Variants in GOPC observed in about 807,000 individuals in gnomAD.
GOPC encodes the protein Golgi-associated PDZ and coiled-coil motif-containing protein.
Under a neutral mutation model 51.2 loss-of-function variants are expected in GOPC, and 32 were observed. The observed-to-expected ratio is 0.63, with a 90% CI of 0.47 to 0.84. The LOEUF is 0.84. Among genes scored for constraint, GOPC ranks in the 40% least tolerant of loss-of-function variants. The pLI is 0.00. For missense variants in GOPC, 441 were observed against 555.5 expected, an observed-to-expected ratio of 0.79 and a Z score of 2.07; for synonymous variants, 190 against 205.1, an observed-to-expected ratio of 0.93 and a Z score of 0.63.
At chr6:117,589,608 C>A (rs1245669861) in intron 1 of GOPC, among the ~76,000 whole-genome samples, 2 of 151,992 alleles carry the variant, frequency 1.3e-5, no homozygotes, top group African/African-American at 4.8e-5. Context: ...GCGTGAGCCA[C>A]TGCGCCCAGC....
chr6:117,580,780 G>A (rs1475761478), intron 1 of GOPC, among the ~76,000 whole-genome samples: 1 of 152,090 alleles, frequency 6.6e-6, no homozygotes, highest in African/African-American at 2.4e-5. Context: ...ATGAAGACAA[G>A]GACACAGTAG....
At chr6:117,570,159 T>G (rs1779779420) in intron 6 of GOPC, among the ~76,000 whole-genome samples, 1 of 151,900 alleles carries the variant, frequency 6.6e-6, no homozygotes, top group Admixed American at 6.6e-5. Flanking sequence ...CTTATATCAT[T>G]GTTGCGTGTG....
At chr6:117,590,062 T>C (rs1441945577) in intron 1 of GOPC, among the ~76,000 whole-genome samples, 1 of 152,204 alleles carries the variant, frequency 6.6e-6, no homozygotes, top group Non-Finnish European at 1.5e-5. Context: ...TACATGAATA[T>C]AGAGTCAACA....
chr6:117,573,851 A>G (rs1381773423), intron 4 of GOPC, among the ~76,000 whole-genome samples: 1 of 152,218 alleles, frequency 6.6e-6, no homozygotes, highest in Non-Finnish European at 1.5e-5. Context: ...AAATTTTTAA[A>G]GGAATTAATG....
chr6:117,593,904 A>G (rs1389602384), intron 1 of GOPC, among the ~76,000 whole-genome samples: 1 of 152,024 alleles, frequency 6.6e-6, no homozygotes, highest in Non-Finnish European at 1.5e-5. Context: ...CTTGTTCTGA[A>G]TACCTTCTCC....
At chr6:117,578,876 C>G in intron 2 of GOPC, 24 bp downstream of exon 2, 1 of 1,521,618 alleles carries the variant, frequency 6.6e-7, no homozygotes, top group Non-Finnish European at 8.9e-7. Flanking sequence ...CATGCAAGGG[C>G]ATGTCACTCT....
Position 117,602,139 on chromosome 6 carries a change from C to T in GOPC, c.150G>A (p.Leu50=). 1.2e-6 allele frequency: 2 copies of T among 1,614,140 alleles called. No individual in the cohort carries two copies. The highest frequency in any genetic ancestry group is 2.2e-5 in the East Asian group (1 of 44,880). The change falls in exon 1 of 9, where the codon CTG becomes CTA. Residue 50 remains leucine, a synonymous_variant. Transcript: ENST00000368498. ...GGTCTGGATCGATCTCTCCCAGGAG[C>T]AGATCCACATCCACAAAAGCTTTGT... ...EFDKAFVDVD[L]LLGEIDPDQA...
chr6:117,564,713 C>CA (rs973608392), intron 8 of GOPC, among the ~76,000 whole-genome samples: 98 of 151,324 alleles, frequency 6.5e-4, no homozygotes, highest in African/African-American at 1.7e-3. Context: ...GCCTCAGTTA[C>CA]AAAAAAAAGG....
At chr6:117,593,864 G>T (rs574949669) in intron 1 of GOPC, among the ~76,000 whole-genome samples, 2 of 151,804 alleles carry the variant, frequency 1.3e-5, no homozygotes, top group African/African-American at 2.4e-5. Context: ...CCATCTCTAG[G>T]TTTTTTTTAT....
chr6:117,567,884 C>T (rs530965794), intron 7 of GOPC, among the ~76,000 whole-genome samples: 3 of 152,036 alleles, frequency 2.0e-5, no homozygotes, highest in Non-Finnish European at 2.9e-5. Flanking sequence ...AACAATGAAA[C>T]ATTCAAGTAA....
chr6:117,569,034 A>G (rs1179982841), intron 7 of GOPC, among the ~76,000 whole-genome samples: 1 of 152,196 alleles, frequency 6.6e-6, no homozygotes, highest in Non-Finnish European at 1.5e-5. Context: ...CTGAGTATGA[A>G]TCTCAATTCT....
chr6:117,602,166 G>C lies in GOPC; in HGVS notation c.123C>G (p.Phe41Leu), dbSNP rs1364069522. 1 of 1,613,754 alleles carries C rather than the reference G, an allele frequency of 6.2e-7. No homozygotes were observed. The highest frequency in any genetic ancestry group is 8.5e-7 in the Non-Finnish European group (1 of 1,180,024). Residue 41 changes from phenylalanine (F) to leucine (L), a missense_variant, in exon 1 of 9, where the codon TTC (phenylalanine) becomes TTG (leucine). By Grantham distance (22) the Phe-to-Leu change is conservative (BLOSUM62 0). Transcript: ENST00000368498. Reference sequence around the variant, plus strand: ...GATCCACATCCACAAAAGCTTTGTCGAACTCCTTCTCCAGCACCTCCAGCC... The same window carrying C: ...GATCCACATCCACAAAAGCTTTGTCCAACTCCTTCTCCAGCACCTCCAGCC... ...FRWLEVLEKE[F>L]DKAFVDVDLL...
At position 117,602,308 on chromosome 6, in the gene GOPC, C is replaced by A. The variant is rs781649446; in HGVS notation, c.-20G>T. On this transcript the variant is annotated 5_prime_UTR_variant, in exon 1 of 9. Transcript: ENST00000368498. ...CGACATGGCGCCGTCAAGGGCCTCT[C>A]CCGACTGCTGAAGACCCTCGCCGCC... 2 of 1,569,624 alleles carry A rather than the reference C, an allele frequency of 1.3e-6. No individual in the cohort carries two copies. Among genetic ancestry groups the A allele is most frequent in the African/African-American group, 2.7e-5 (2 of 73,816 alleles).
intron 6 of GOPC, 133 bp downstream of exon 6, chr6:117,570,723 CATTT>C (rs990346638): frequency 7.1e-5 from 29 of 409,394 alleles, no homozygotes; most frequent in Non-Finnish European, 5.7e-5. Flanking sequence ...CAAAAGCAAA[CATTT>C]ATCCCCATGG....
intron 8 of GOPC, 90 bp from the exon 9 acceptor site, chr6:117,563,474 C>A: frequency 7.7e-7 from 1 of 1,301,394 alleles, no homozygotes; most frequent in Non-Finnish European, 1.1e-6. Flanking sequence ...GTAATCCCAG[C>A]ACTTTGAGAG....
intron 1 of GOPC, among the ~76,000 whole-genome samples, chr6:117,585,367 T>C (rs1202450229): frequency 6.6e-6 from 1 of 152,222 alleles, no homozygotes; most frequent in Non-Finnish European, 1.5e-5. Flanking sequence ...AAAAGCCTCA[T>C]GTTTTGAAGG....
At chr6:117,582,693 G>A (rs1265768976) in intron 1 of GOPC, among the ~76,000 whole-genome samples, 2 of 149,970 alleles carry the variant, frequency 1.3e-5, no homozygotes, top group Non-Finnish European at 3.0e-5. Context: ...TCTCTGCTGA[G>A]AGCCACTTTC....
At chr6:117,570,729 T>C (rs1583053013) in intron 6 of GOPC, 131 bp downstream of exon 6, 1 of 417,206 alleles carries the variant, frequency 2.4e-6, no homozygotes, top group East Asian at 3.5e-5. Context: ...CAAACATTTA[T>C]CCCCATGGGG....
At chr6:117,574,077 C>T (rs565578903) in intron 4 of GOPC, among the ~76,000 whole-genome samples, 8 of 151,890 alleles carry the variant, frequency 5.3e-5, no homozygotes, top group Admixed American at 2.0e-4. Context: ...TAGAACCAGC[C>T]AGGGCAACAA....
Sources: gnomAD v4.1 joint callset for allele counts (sites outside exome capture counted in the v4.1 genomes callset) on GRCh38, gnomAD v4.1.1 for gene constraint, MANE v1.5 for transcripts, NCBI Gene and HGNC (gene_info 2026-07-23, HGNC 2026-07-21) for gene names.